VPS8: variants seen among roughly 807,000 people sequenced by gnomAD.
VPS8 encodes vacuolar protein sorting-associated protein 8 homolog.
Under a neutral mutation model 216.4 loss-of-function variants are expected in VPS8, and 129 were observed. The ratio of observed to expected loss-of-function variants is 0.60; its 90% CI spans 0.52 to 0.69. VPS8 has a LOEUF of 0.69. Among genes scored for constraint, VPS8 ranks in the 30% least tolerant of loss-of-function variants. The pLI is 0.00. For synonymous variants in VPS8, 571 were observed against 565.4 expected, an observed-to-expected ratio of 1.01 and a Z score of -0.14; for missense variants, 1,531 against 1,683.5, an observed-to-expected ratio of 0.91 and a Z score of 1.59.
Position 185,052,019 on chromosome 3 carries a change from GGATT to G in VPS8, c.4285_*1del. The G allele has an allele frequency of 6.2e-7, 1 of 1,609,540 alleles. No individual in the cohort carries two copies. The highest frequency in any genetic ancestry group is 8.5e-7 in the Non-Finnish European group (1 of 1,177,036). On this transcript the variant is annotated frameshift_variant and stop_lost, in exon 48 of 48. Coordinates refer to ENST00000625842, the MANE Select transcript of VPS8 (RefSeq NM_001009921.3). LOFTEE classifies it high-confidence loss of function. ...AGCTCATTCCTCCACCTGTGACTGA[GGATT>G]GATGACTCCATGGAGCCTGGCCCAG... is the stretch of plus-strand genomic sequence containing the variant.
At chr3:185,031,997 C>T (rs141356678) in intron 46 of VPS8, among the ~76,000 whole-genome samples, 1 of 152,236 alleles carries the variant, frequency 6.6e-6, no homozygotes, top group African/African-American at 2.4e-5. Flanking sequence ...AACCCTATCT[C>T]TACTAAAAAT....
chr3:184,831,288 C>T (rs1719924733), intron 3 of VPS8, among the ~76,000 whole-genome samples: 1 of 152,210 alleles, frequency 6.6e-6, no homozygotes, highest in African/African-American at 2.4e-5. Flanking sequence ...GATTGTGCTA[C>T]TGCACACCGG....
At chr3:184,819,684 T>C (rs934112381) in intron 1 of VPS8, among the ~76,000 whole-genome samples, 5 of 152,198 alleles carry the variant, frequency 3.3e-5, no homozygotes, top group Non-Finnish European at 7.3e-5. Context: ...AATTAACTTA[T>C]ATTTATTAGT....
intron 16 of VPS8, among the ~76,000 whole-genome samples, chr3:184,864,748 G>C (rs1472871786): frequency 6.6e-6 from 1 of 152,040 alleles, no homozygotes; most frequent in African/African-American, 2.4e-5. Context: ...GAAAACACAA[G>C]AATATTAATA....
At chr3:184,993,258 C>T (rs1400540503) in intron 42 of VPS8, among the ~76,000 whole-genome samples, 11 of 152,104 alleles carry the variant, frequency 7.2e-5, no homozygotes, top group Non-Finnish European at 1.6e-4. Flanking sequence ...CTCCCAGAAA[C>T]AAGACTAGAG....
chr3:184,966,517 A>G (rs937916672), intron 38 of VPS8, among the ~76,000 whole-genome samples, 154 bp from the exon 39 acceptor site: 7 of 152,154 alleles, frequency 4.6e-5, no homozygotes, highest in African/African-American at 1.7e-4. Flanking sequence ...CTTTCTATAA[A>G]CAGAAGAGTT....
At chr3:184,941,130 A>T (rs555981532) in intron 36 of VPS8, among the ~76,000 whole-genome samples, 106 of 149,288 alleles carry the variant, frequency 7.1e-4, no homozygotes, top group African/African-American at 2.4e-3. Flanking sequence ...ACAACTATTT[A>T]CTTACGTTAG....
intron 47 of VPS8, among the ~76,000 whole-genome samples, chr3:185,051,251 G>A (rs2108562362): frequency 6.6e-6 from 1 of 152,270 alleles, no homozygotes; most frequent in Admixed American, 6.5e-5. Context: ...CTGACAGAAC[G>A]AGGGTACTGC....
chr3:184,813,658 A>G (rs1364043538), intron 1 of VPS8: 2 of 152,230 alleles, frequency 1.3e-5, no homozygotes, highest in Middle Eastern at 6.3e-3. Flanking sequence ...GCTCTAACAG[A>G]GTAATATGTT....
chr3:185,038,701 C>G (rs1461109690), intron 46 of VPS8, among the ~76,000 whole-genome samples: 2 of 152,204 alleles, frequency 1.3e-5, no homozygotes, highest in South Asian at 2.1e-4. Flanking sequence ...AATCTCTGAG[C>G]TGGGGCTCTG....
chr3:184,917,804 T>C (rs1737878507), intron 28 of VPS8, among the ~76,000 whole-genome samples: 1 of 152,254 alleles, frequency 6.6e-6, no homozygotes, highest in Non-Finnish European at 1.5e-5. Context: ...CCTTTGACTC[T>C]TGTGTCTTAG....
At chr3:185,047,472 G>A (rs974038709) in intron 46 of VPS8, among the ~76,000 whole-genome samples, 1 of 152,212 alleles carries the variant, frequency 6.6e-6, no homozygotes, top group Non-Finnish European at 1.5e-5. Context: ...GAACTCTGCA[G>A]TGCAGGCTCT....
intron 46 of VPS8, among the ~76,000 whole-genome samples, chr3:185,041,056 T>C (rs1435784189): frequency 6.6e-6 from 1 of 151,996 alleles, no homozygotes; most frequent in African/African-American, 2.4e-5. Context: ...ACACAAAAAA[T>C]TAGCTGGGCA....
At chr3:185,028,292 G>GTCAGGAAA (rs568400924) in intron 46 of VPS8, among the ~76,000 whole-genome samples, 55 of 152,330 alleles carry the variant, frequency 3.6e-4, no homozygotes, top group Non-Finnish European at 7.1e-4. Flanking sequence ...CAGATTAGGG[G>GTCAGGAAA]TCAGGAAAGG....
At chr3:184,843,360 C>T in intron 8 of VPS8, 115 bp downstream of exon 8, 1 of 602,380 alleles carries the variant, frequency 1.7e-6, no homozygotes, top group Non-Finnish European at 2.4e-6. Context: ...TTGAAAAAAA[C>T]CCAGCTAATT....
intron 46 of VPS8, among the ~76,000 whole-genome samples, chr3:185,043,389 T>TCCCTTCCCAG (rs1460174305): frequency 6.6e-6 from 1 of 152,162 alleles, no homozygotes; most frequent in Non-Finnish European, 1.5e-5. Flanking sequence ...TTTCTCCATT[T>TCCCTTCCCAG]CCCTTCCCAG....
chr3:184,991,936 G>A (rs1751952931), intron 42 of VPS8, among the ~76,000 whole-genome samples: 1 of 152,102 alleles, frequency 6.6e-6, no homozygotes, highest in Non-Finnish European at 1.5e-5. Context: ...AATTTTTCCT[G>A]TTAAGCTTAA....
chr3:184,897,485 G>C (rs1217226226), intron 23 of VPS8, among the ~76,000 whole-genome samples: 3 of 152,116 alleles, frequency 2.0e-5, no homozygotes, highest in Non-Finnish European at 4.4e-5. Flanking sequence ...ATTTTATTTT[G>C]AGATCACTAC....
intron 35 of VPS8, among the ~76,000 whole-genome samples, chr3:184,939,403 T>TA (rs929917521): frequency 2.6e-5 from 4 of 152,068 alleles, no homozygotes; most frequent in Non-Finnish European, 4.4e-5. Flanking sequence ...TGTCAAAAAA[T>TA]AAAAAAACAA....
Sources: allele counts gnomAD v4.1 joint callset (sites outside exome capture counted in the v4.1 genomes callset), GRCh38; gene constraint gnomAD v4.1.1; transcripts MANE v1.5; gene names NCBI Gene and HGNC (gene_info 2026-07-23, HGNC 2026-07-21).